The following CAPN10 variants were observed in gnomAD, a reference collection of about 807,000 sequenced individuals.
The protein encoded by CAPN10 is calpain-10.
Under a neutral mutation model 78.4 loss-of-function variants are expected in CAPN10, and 71 were observed. The ratio of observed to expected loss-of-function variants is 0.91; its 90% CI spans 0.75 to 1.10. CAPN10 has a LOEUF of 1.10. Among genes scored for constraint, CAPN10 ranks in the 50% least tolerant of loss-of-function variants. The pLI is 0.00. For missense variants in CAPN10, 849 were observed against 924.6 expected, an observed-to-expected ratio of 0.92 and a Z score of 1.06; for synonymous variants, 437 against 407.2, an observed-to-expected ratio of 1.07 and a Z score of -0.88.
In CAPN10 at chr2:240,594,707, C is replaced by G. The variant is rs536446683; in HGVS notation, c.995C>G (p.Thr332Arg). ...TEAGHLQSLY[T>R]ERLLCHTRAL... is the part of the protein sequence containing the mutation. ...GCCGGCCACCTGCAGAGCCTCTACA[C>G]AGGTAGTGCCCCGAGGGGCTGTGCT... Residue 332 changes from threonine to arginine, a missense_variant and splice_region_variant, in exon 6 of 12, where the codon ACA (threonine) becomes AGA (arginine). Coordinates refer to ENST00000391984, the MANE Select transcript of CAPN10 (RefSeq NM_023083.4). 3.1e-6 allele frequency: 5 copies of G among 1,612,378 alleles called. No individual in the cohort carries two copies. The highest frequency in any genetic ancestry group is 1.1e-5 in the South Asian group (1 of 90,990).
At chr2:240,587,526 C>T (rs1419107659) in intron 1 of CAPN10, among the ~76,000 whole-genome samples, 2 of 152,272 alleles carry the variant, frequency 1.3e-5, no homozygotes, top group East Asian at 3.8e-4. Flanking sequence ...GAAATGGCAC[C>T]TCCAAGGGAT....
In CAPN10 at chr2:240,596,921, C is replaced by T; in HGVS notation, c.1722C>T (p.Pro574=). ...HCRPSDTEFH[P]IGFHIFQVPE... is the part of the protein sequence containing the mutation. ...GGCCCAGTGACACCGAGTTCCACCC[C>T]ATCGGCTTCCATATCTTCCAGGCAA... Residue 574 remains proline, a synonymous_variant, in exon 9 of 12, where the codon CCC becomes CCT. Coordinates refer to ENST00000391984, the MANE Select transcript of CAPN10 (RefSeq NM_023083.4). The T allele has an allele frequency of 1.2e-6, 2 of 1,613,568 alleles. No homozygotes were observed. The highest frequency in any genetic ancestry group is 2.2e-5 in the South Asian group (2 of 91,092).
At chr2:240,589,721 T>G (rs1477095217) in intron 2 of CAPN10, 1 of 501,270 alleles carries the variant, frequency 2.0e-6, no homozygotes, top group African/African-American at 2.0e-5. Context: ...CTCTGTGCTC[T>G]CCTGACCCCC....
chr2:240,595,154 G>A lies in CAPN10; in HGVS notation c.1128G>A (p.Glu376=), dbSNP rs1283996668. The A allele has an allele frequency of 1.2e-6, 2 of 1,613,830 alleles. No homozygotes were observed. The highest frequency in any genetic ancestry group is 1.7e-6 in the Non-Finnish European group (2 of 1,180,046). The change falls in exon 7 of 12, where the codon GAG becomes GAA. Residue 376 remains glutamate (E), a synonymous_variant. Coordinates refer to ENST00000391984, the MANE Select transcript of CAPN10 (RefSeq NM_023083.4). ...KFWLRVSEPS[E]VYIAVLQRSR... ...GGCTGCGGGTCTCAGAACCGAGTGAGGTGTACATTGCCGTCCTGCAGAGAT... is the reference window on the plus strand; with the variant it reads ...GGCTGCGGGTCTCAGAACCGAGTGAAGTGTACATTGCCGTCCTGCAGAGAT...
At chr2:240,596,252 G>A in intron 7 of CAPN10, 67 bp from the exon 8 acceptor site, 1 of 1,520,908 alleles carries the variant, frequency 6.6e-7, no homozygotes, top group Admixed American at 2.1e-5. Flanking sequence ...TTGCAGCAGG[G>A]AGGTCAAGGC....
chr2:240,596,179 A>G, intron 7 of CAPN10, 140 bp from the exon 8 acceptor site: 1 of 1,484,324 alleles, frequency 6.7e-7, no homozygotes, highest in Non-Finnish European at 9.0e-7. Context: ...GGTCCCTGAG[A>G]GAGGGTGGAG....
chr2:240,594,305 G>A (rs1242223436), intron 5 of CAPN10: 12 of 597,762 alleles, frequency 2.0e-5, no homozygotes, highest in Admixed American at 3.0e-5. Flanking sequence ...CTGGGAAGAC[G>A]CATCCAGAGG....
chr2:240,595,003 T>C lies in CAPN10; in HGVS notation c.998-21T>C, dbSNP rs76983489. 3.1e-6 allele frequency: 5 copies of C among 1,611,478 alleles called. No individual in the cohort carries two copies. The East Asian group carries it at 8.9e-5, about 29-fold the overall frequency. ...GCGAGGAGCCGTGTCCCACAGCTGATGCCTGGTGTTTTCTCACTAGAGAGG... is the reference window on the plus strand; with the variant it reads ...GCGAGGAGCCGTGTCCCACAGCTGACGCCTGGTGTTTTCTCACTAGAGAGG... On this transcript the variant is annotated intron_variant, in intron 6 of 11. Coordinates refer to ENST00000391984, the MANE Select transcript of CAPN10 (RefSeq NM_023083.4).
At position 240,598,704 on chromosome 2, in the gene CAPN10, CAG is replaced by C; in HGVS notation, c.*25_*26del. ...AACAGGGTGGCCCCCTGTGCCAGCTCAGGTGACTGGAGCCCGAGGGCCTGACA... is the reference window on the plus strand; with the variant it reads ...AACAGGGTGGCCCCCTGTGCCAGCTCGTGACTGGAGCCCGAGGGCCTGACA... On this transcript the variant is annotated 3_prime_UTR_variant, in exon 12 of 12. Coordinates refer to ENST00000391984, the MANE Select transcript of CAPN10 (RefSeq NM_023083.4). The C allele has an allele frequency of 6.4e-7, 1 of 1,565,208 alleles. No homozygotes were observed. The highest frequency in any genetic ancestry group is 8.7e-7 in the Non-Finnish European group (1 of 1,154,146).
intron 7 of CAPN10, among the ~76,000 whole-genome samples, chr2:240,595,738 A>T (rs1448846362): frequency 1.1e-4 from 16 of 152,248 alleles, no homozygotes; most frequent in Admixed American, 1.0e-3. Flanking sequence ...TTCCCCTGCA[A>T]GACGGGGTCC....
intron 1 of CAPN10, 97 bp from the exon 2 acceptor site, chr2:240,589,246 C>A: frequency 1.3e-6 from 2 of 1,516,844 alleles, no homozygotes; most frequent in Non-Finnish European, 1.8e-6. Flanking sequence ...ATCGGAAAAG[C>A]TCCACCCCAA....
chr2:240,598,338 G>A lies in CAPN10; in HGVS notation c.1944-14G>A, dbSNP rs368631708. 14 of 1,613,604 alleles carry A rather than the reference G, an allele frequency of 8.7e-6. No homozygotes were observed. In the Admixed American group the frequency reaches 2.0e-4, roughly 23 times the overall value. Reference sequence around the variant, plus strand: ...AGTGCAGTCTGGGAGCGCTGATCTGGTGTCTCTCCACAGGCCATCCATTCA... The same window carrying A: ...AGTGCAGTCTGGGAGCGCTGATCTGATGTCTCTCCACAGGCCATCCATTCA... On this transcript the variant is annotated splice_polypyrimidine_tract_variant and intron_variant, in intron 10 of 11. Transcript: ENST00000391984.
chr2:240,595,139 C>T lies in CAPN10; in HGVS notation c.1113C>T (p.Val371=). Residue 371 remains valine, a synonymous_variant, in exon 7 of 12, where the codon GTC becomes GTT. Coordinates refer to ENST00000391984, the MANE Select transcript of CAPN10 (RefSeq NM_023083.4). ...GCAACCCCAAATTCTGGCTGCGGGT[C>T]TCAGAACCGAGTGAGGTGTACATTG... ...FPSNPKFWLR[V]SEPSEVYIAV... is the part of the protein sequence containing the mutation. 1 of 1,613,974 alleles carries T rather than the reference C, an allele frequency of 6.2e-7. No homozygotes were observed. Among genetic ancestry groups the T allele is most frequent in the Non-Finnish European group, 8.5e-7 (1 of 1,180,042 alleles).
Position 240,595,241 on chromosome 2 carries a change from T to C in CAPN10, c.1215T>C (p.Thr405=), listed in dbSNP as rs1321655887. ...GGGCACTGGTGGGTGACAGTCATAC[T>C]TCGTGGAGCCCAGCGAGCATCCCGG... is the stretch of plus-strand genomic sequence containing the variant. ...RARALVGDSH[T]SWSPASIPGK... The change falls in exon 7 of 12, where the codon ACT becomes ACC. Residue 405 remains threonine (T), a synonymous_variant. Coordinates refer to ENST00000391984, the MANE Select transcript of CAPN10 (RefSeq NM_023083.4). 1.4e-5 allele frequency: 23 copies of C among 1,613,554 alleles called. No homozygotes were observed. The highest frequency in any genetic ancestry group is 3.3e-5 in the Admixed American group (2 of 60,012).
At chr2:240,598,109 G>C in intron 10 of CAPN10, 22 bp downstream of exon 10, 1 of 1,591,934 alleles carries the variant, frequency 6.3e-7, no homozygotes, top group Non-Finnish European at 8.6e-7. Context: ...GGACTTGGGG[G>C]CGGCCAGCTG....
intron 4 of CAPN10, chr2:240,593,012 A>G (rs1341309531): frequency 6.5e-6 from 1 of 153,846 alleles, no homozygotes; most frequent in Non-Finnish European, 1.4e-5. Context: ...GCAGACCCTG[A>G]GATGAGGTTC....
chr2:240,587,232 C>T (rs2093074332), intron 1 of CAPN10, among the ~76,000 whole-genome samples, 180 bp downstream of exon 1: 2 of 152,346 alleles, frequency 1.3e-5, no homozygotes, highest in African/African-American at 4.8e-5. Flanking sequence ...CCGCCCAGAA[C>T]GAGCAGGACT....
chr2:240,595,736 C>G (rs2093132504), intron 7 of CAPN10, among the ~76,000 whole-genome samples: 1 of 152,268 alleles, frequency 6.6e-6, no homozygotes, highest in Non-Finnish European at 1.5e-5. Flanking sequence ...TCTTCCCCTG[C>G]AAGACGGGGT....
intron 4 of CAPN10, chr2:240,592,479 T>C (rs1246057871): frequency 5.2e-6 from 3 of 574,148 alleles, no homozygotes; most frequent in South Asian, 1.5e-5. Flanking sequence ...TTTATTTTAG[T>C]GATAGATAAC....
Sources: allele counts gnomAD v4.1 joint callset (sites outside exome capture counted in the v4.1 genomes callset), GRCh38; gene constraint gnomAD v4.1.1; transcripts MANE v1.5; gene names NCBI Gene and HGNC (gene_info 2026-07-23, HGNC 2026-07-21).